Variants in DCK observed in about 807,000 individuals in gnomAD.
DCK encodes deoxycytidine kinase.
DCK carries 23 observed loss-of-function variants against 38.3 expected under a neutral mutation model. The observed-to-expected ratio is 0.60, with a 90% CI of 0.43 to 0.85. The LOEUF (loss-of-function observed/expected upper bound fraction) is 0.85. Among genes scored for constraint, DCK ranks in the 40% least tolerant of loss-of-function variants. DCK has a pLI of 0.00. For synonymous variants in DCK, 108 were observed against 100.6 expected (o/e 1.07, Z -0.44); for missense variants, 259 against 304.4 (o/e 0.85, Z 1.11).
At chr4:70,997,032 G>A (rs1739675775) in intron 1 of DCK, among the ~76,000 whole-genome samples, 1 of 152,140 alleles carries the variant, frequency 6.6e-6, no homozygotes, top group East Asian at 1.9e-4. Context: ...GGGAACTCTA[G>A]CTGTTATTAC....
At chr4:71,015,706 A>C (rs1740244014) in intron 2 of DCK, among the ~76,000 whole-genome samples, 1 of 152,260 alleles carries the variant, frequency 6.6e-6, no homozygotes, top group Non-Finnish European at 1.5e-5. Flanking sequence ...CAATAGATGC[A>C]GAAAAGGCCT....
chr4:71,001,521 G>A (rs756449127), intron 2 of DCK, among the ~76,000 whole-genome samples: 3 of 152,118 alleles, frequency 2.0e-5, no homozygotes, highest in Non-Finnish European at 4.4e-5. Context: ...TTAGGGAGGA[G>A]TCCCTCTTTT....
intron 6 of DCK, chr4:71,028,752 C>T: frequency 6.7e-6 from 2 of 297,292 alleles, no homozygotes; most frequent in Non-Finnish European, 1.2e-5. Context: ...GCCTCCATGC[C>T]TAGCTAATTT....
At position 70,996,305 on chromosome 4, in the gene DCK, G is replaced by A. The variant is rs917845198; in HGVS notation, c.92-1762G>A. On this transcript the variant is annotated intron_variant, in intron 1 of 6. Transcript: ENST00000286648. ...TTGAGACCTATAGTTTGAGGCTGCC[G>A]TGAGCTGTGGTTGTGCCACTGCCCT... Among the ~76,000 whole-genome samples, 15 of 152,092 alleles carry A rather than the reference G, an allele frequency of 9.9e-5. 1 individual carries two copies. Among genetic ancestry groups the A allele is most frequent in the Non-Finnish European group, 1.6e-4 (11 of 68,034 alleles).
intron 2 of DCK, among the ~76,000 whole-genome samples, chr4:71,001,974 G>T (rs952724248): frequency 6.6e-6 from 1 of 152,094 alleles, no homozygotes; most frequent in Admixed American, 6.5e-5. Context: ...ATCTCCTTCA[G>T]TTCTGCTCTG....
At chr4:71,009,526 T>C (rs1740034795) in intron 2 of DCK, among the ~76,000 whole-genome samples, 1 of 152,350 alleles carries the variant, frequency 6.6e-6, no homozygotes, top group Admixed American at 6.5e-5. Context: ...TGGGACATTT[T>C]CTTTCCATAT....
Position 71,014,931 on chromosome 4 carries a change from G to T in DCK, c.208-7436G>T, listed in dbSNP as rs561723812. ...GAAATAACTAAGATCAGAGCAGAAC[G>T]GAAGGAAATAGAGACACAAAAAACC... is the stretch of plus-strand genomic sequence containing the variant. On this transcript the variant is annotated intron_variant, in intron 2 of 6. Transcript: ENST00000286648. 2.5e-4 allele frequency among the ~76,000 whole-genome samples: 38 copies of T among 152,172 alleles called. No homozygotes were observed. In the South Asian group the frequency reaches 5.0e-3, roughly 20 times the overall value.
intron 2 of DCK, among the ~76,000 whole-genome samples, chr4:71,003,607 G>A (rs1413166138): frequency 6.6e-6 from 1 of 152,148 alleles, no homozygotes; most frequent in Non-Finnish European, 1.5e-5. Flanking sequence ...CGTAGGTTTG[G>A]TCTTTTCACA....
intron 2 of DCK, among the ~76,000 whole-genome samples, chr4:71,021,472 A>G (rs1740424236): frequency 2.0e-5 from 3 of 152,230 alleles, no homozygotes; most frequent in Non-Finnish European, 2.9e-5. Flanking sequence ...TGGTTCTAAC[A>G]ATAAGATTAT....
chr4:71,018,716 G>T (rs1740337344), intron 2 of DCK, among the ~76,000 whole-genome samples: 1 of 145,658 alleles, frequency 6.9e-6, no homozygotes. Flanking sequence ...CTGTTACCCA[G>T]GCTGGAGTGC....
chr4:71,026,800 A>G (rs1560689412), intron 6 of DCK, 45 bp downstream of exon 6: 1 of 949,600 alleles, frequency 1.1e-6, no homozygotes, highest in Non-Finnish European at 1.7e-6. Flanking sequence ...TTTTCTAAAA[A>G]AGTGTACTGA....
At position 71,006,809 on chromosome 4, in the gene DCK, G is replaced by GA. The variant is rs200366513; in HGVS notation, c.207+8634dup. ...AGTGACAGCAAGACCCTGTCTAAAA[G>GA]AAAAAAAGAAATTGAAAGCAGTAAG... On this transcript the variant is annotated intron_variant, in intron 2 of 6. Transcript: ENST00000286648. 2.7e-3 allele frequency among the ~76,000 whole-genome samples: 403 copies of GA among 151,408 alleles called. 15 individuals carry two copies. In the East Asian group the frequency reaches 0.065, roughly 24 times the overall value.
At chr4:71,002,823 C>T (rs563765505) in intron 2 of DCK, among the ~76,000 whole-genome samples, 2 of 152,222 alleles carry the variant, frequency 1.3e-5, no homozygotes, top group South Asian at 2.1e-4. Context: ...AAATCTTCCT[C>T]CATCCCTTTA....
chr4:71,012,850 C>T (rs2148915901), intron 2 of DCK, among the ~76,000 whole-genome samples: 1 of 152,334 alleles, frequency 6.6e-6, no homozygotes, highest in South Asian at 2.1e-4. Context: ...TTCTAAAAAT[C>T]AGAGCGCCTC....
At chr4:71,004,982 GGAGTGAAC>G (rs1421322784) in intron 2 of DCK, among the ~76,000 whole-genome samples, 1 of 151,804 alleles carries the variant, frequency 6.6e-6, no homozygotes, top group African/African-American at 2.4e-5. Context: ...CCTTTCTAGG[GGAGTGAAC>G]GGTTCTGTCT....
Position 70,993,764 on chromosome 4 carries a change from C to T in DCK, c.-72C>T. The T allele has an allele frequency of 9.5e-7, 1 of 1,053,118 alleles. No individual in the cohort carries two copies. Among genetic ancestry groups the T allele is most frequent in the South Asian group, 1.4e-5 (1 of 72,468 alleles). 65.2% of individuals were successfully genotyped at this position (1,053,118 alleles called of 1,614,324 possible). A position where few individuals can be genotyped will look rare whatever the true frequency, so the allele number is the denominator to read the frequency against. ...TCTGGCTTAGCGGCGCCGCGAGCTC[C>T]AGTGCGCGCACCCGTGGCCGCCTCC... On this transcript the variant is annotated 5_prime_UTR_variant, in exon 1 of 7. Transcript: ENST00000286648.
intron 2 of DCK, among the ~76,000 whole-genome samples, chr4:71,018,074 C>T (rs1396248712): frequency 1.3e-5 from 2 of 151,054 alleles, no homozygotes; most frequent in African/African-American, 2.4e-5. Context: ...AACCTATTCG[C>T]TTAGCCTTGT....
At chr4:71,014,071 A>G (rs1195801269) in intron 2 of DCK, among the ~76,000 whole-genome samples, 4 of 152,216 alleles carry the variant, frequency 2.6e-5, no homozygotes, top group Non-Finnish European at 5.9e-5. Context: ...GGATGTATGA[A>G]GATCTACCAA....
chr4:71,022,692 C>T lies in DCK; in HGVS notation c.401+132C>T. ...GCTGGGGATTTAAGATGGAAAATGA[C>T]ATTTAAATCCCTCAGCAGTCTGGTA... On this transcript the variant is annotated intron_variant, in intron 3 of 6. Coordinates refer to ENST00000286648, the MANE Select transcript of DCK (RefSeq NM_000788.3). 1.0e-5 allele frequency: 5 copies of T among 484,816 alleles called. No homozygotes were observed. In the South Asian group the frequency reaches 3.0e-4, roughly 29 times the overall value. 30.0% of individuals were successfully genotyped at this position (484,816 alleles called of 1,614,324 possible). A position where few individuals can be genotyped will look rare whatever the true frequency, so the allele number is the denominator to read the frequency against.
Sources: gnomAD v4.1 joint callset for allele counts (sites outside exome capture counted in the v4.1 genomes callset) on GRCh38, gnomAD v4.1.1 for gene constraint, MANE v1.5 for transcripts, NCBI Gene and HGNC (gene_info 2026-07-23, HGNC 2026-07-21) for gene names.